The following PLD5 variants were observed in gnomAD, a reference collection of about 807,000 sequenced individuals.
The protein encoded by PLD5 is inactive phospholipase D5.
A neutral mutation model predicts 61.1 loss-of-function variants in PLD5; 36 were observed. That is an observed-to-expected ratio of 0.59 (90% CI 0.45 to 0.78). PLD5 has a LOEUF of 0.78. Among genes scored for constraint, PLD5 ranks in the 30% least tolerant of loss-of-function variants. The probability of loss-of-function intolerance (pLI) is 0.00; values close to 1 mark genes in which losing one functional copy is unlikely to be tolerated. For synonymous variants in PLD5, 243 were observed against 242.8 expected (o/e 1.00, Z -0.01); for missense variants, 515 against 644.4 (o/e 0.80, Z 2.17).
At chr1:242,163,155 TC>T (rs200552417) in intron 5 of PLD5, among the ~76,000 whole-genome samples, 15 of 150,482 alleles carry the variant, frequency 1.0e-4, no homozygotes, top group African/African-American at 2.2e-4. Flanking sequence ...TTCTTTCTTT[TC>T]TTGAGACGAC....
chr1:242,183,791 G>A (rs1161364904), intron 5 of PLD5, among the ~76,000 whole-genome samples: 1 of 118,318 alleles, frequency 8.5e-6, no homozygotes, highest in African/African-American at 4.2e-5. Flanking sequence ...CTACTGGGGA[G>A]GTCTGAGGCA....
intron 1 of PLD5, among the ~76,000 whole-genome samples, chr1:242,497,692 C>T (rs188496399): frequency 6.6e-6 from 1 of 152,234 alleles, no homozygotes; most frequent in Admixed American, 6.5e-5. Context: ...ATTTGAAGAA[C>T]CTAGTGTTAT....
chr1:242,437,065 C>T (rs6668435), intron 1 of PLD5, among the ~76,000 whole-genome samples: 25,422 of 151,950 alleles, frequency 0.17, 2,492 homozygotes, highest in African/African-American at 0.27. Context: ...TATGTGATCT[C>T]GATTAGTCAC....
At chr1:242,254,260 G>T (rs1238932446) in intron 4 of PLD5, among the ~76,000 whole-genome samples, 1 of 151,078 alleles carries the variant, frequency 6.6e-6, no homozygotes, top group Non-Finnish European at 1.5e-5. Context: ...TTCGTTATGA[G>T]GTAGGCACCT....
chr1:242,243,923 A>C (rs1164470092), intron 4 of PLD5, among the ~76,000 whole-genome samples: 1 of 152,168 alleles, frequency 6.6e-6, no homozygotes, highest in African/African-American at 2.4e-5. Flanking sequence ...TAAGTTCCTC[A>C]AAAACACGGT....
intron 5 of PLD5, among the ~76,000 whole-genome samples, chr1:242,131,354 C>T (rs538515906): frequency 6.6e-6 from 1 of 152,220 alleles, no homozygotes; most frequent in African/African-American, 2.4e-5. Context: ...GTTCCGTTCT[C>T]TCTCTTGCAC....
chr1:242,248,265 T>A (rs866582626), intron 4 of PLD5, among the ~76,000 whole-genome samples: 1 of 152,202 alleles, frequency 6.6e-6, no homozygotes, highest in East Asian at 1.9e-4. Context: ...CACTTTAAGC[T>A]ATGTATTCAT....
chr1:242,463,346 A>G (rs936935322), intron 1 of PLD5, among the ~76,000 whole-genome samples: 1 of 152,098 alleles, frequency 6.6e-6, no homozygotes, highest in Non-Finnish European at 1.5e-5. Context: ...AATGCCTCCA[A>G]CTCTGTACTC....
rs1029939641 is a variant in PLD5 at position 242,457,056 on chromosome 1, C to A, written c.189+67032G>T. 2.0e-5 allele frequency among the ~76,000 whole-genome samples: 3 copies of A among 152,168 alleles called. No homozygotes were observed. The South Asian group carries it at 6.2e-4, about 32-fold the overall frequency. On this transcript the variant is annotated intron_variant, in intron 1 of 9. Transcript: ENST00000536534. ...TCCATCATCCACTTATCCAGGGGGT[C>A]TCTGGGCTCCCTGTCAAACCGGAGA...
At chr1:242,344,128 G>A (rs4559486) in intron 2 of PLD5, among the ~76,000 whole-genome samples, 133,755 of 152,152 alleles carry the variant, frequency 0.88, 59,285 homozygotes, top group Non-Finnish European at 0.94. Context: ...CCAAATGGCC[G>A]GGACTTGATT....
At chr1:242,452,118 T>C (rs1353192226) in intron 1 of PLD5, among the ~76,000 whole-genome samples, 1 of 152,160 alleles carries the variant, frequency 6.6e-6, no homozygotes, top group Non-Finnish European at 1.5e-5. Flanking sequence ...ACCATCCTTA[T>C]GTCTGTGTCA....
At chr1:242,525,273 G>A (rs904764598), upstream of PLD5, among the ~76,000 whole-genome samples, 3 of 152,196 alleles carry the variant, frequency 2.0e-5, no homozygotes, top group Non-Finnish European at 4.4e-5. Context: ...CGCGGGACCG[G>A]TTGCTCCCCA....
At chr1:242,247,184 G>T (rs1345875957) in intron 4 of PLD5, among the ~76,000 whole-genome samples, 1 of 152,044 alleles carries the variant, frequency 6.6e-6, no homozygotes, top group African/African-American at 2.4e-5. Flanking sequence ...GGGTTTCACT[G>T]TGTTAGCCAG....
intron 1 of PLD5, among the ~76,000 whole-genome samples, chr1:242,461,465 C>CCA (rs1159562675): frequency 6.6e-6 from 1 of 152,132 alleles, no homozygotes; most frequent in Non-Finnish European, 1.5e-5. Flanking sequence ...ATTTCAAATA[C>CCA]CACATTGCCT....
At chr1:242,133,362 C>A (rs1663453465) in intron 5 of PLD5, among the ~76,000 whole-genome samples, 1 of 152,182 alleles carries the variant, frequency 6.6e-6, no homozygotes, top group South Asian at 2.1e-4. Flanking sequence ...GGTATTTACA[C>A]CCCAGAAAAT....
chr1:242,204,899 G>T (rs558153209), intron 5 of PLD5, among the ~76,000 whole-genome samples: 7 of 152,134 alleles, frequency 4.6e-5, no homozygotes, highest in African/African-American at 1.7e-4. Flanking sequence ...AAAGAATAAG[G>T]CTGGCAAAAC....
intron 1 of PLD5, among the ~76,000 whole-genome samples, chr1:242,392,490 T>C (rs1662991012): frequency 6.6e-6 from 1 of 152,204 alleles, no homozygotes; most frequent in African/African-American, 2.4e-5. Flanking sequence ...GACTGTGGCT[T>C]CTCCTGCTGA....
At chr1:242,124,434 A>C in intron 6 of PLD5, 34 bp downstream of exon 6, 2 of 1,584,680 alleles carry the variant, frequency 1.3e-6, no homozygotes, top group South Asian at 1.1e-5. Flanking sequence ...TGGAGGAAGA[A>C]GGAGAAGGGG....
intron 1 of PLD5, among the ~76,000 whole-genome samples, chr1:242,350,397 C>T (rs970567271): frequency 6.6e-6 from 1 of 151,572 alleles, no homozygotes; most frequent in African/African-American, 2.4e-5. Flanking sequence ...GCCAGGCATA[C>T]ATCACTCTGT....
Sources: allele counts gnomAD v4.1 joint callset (sites outside exome capture counted in the v4.1 genomes callset), GRCh38; gene constraint gnomAD v4.1.1; transcripts MANE v1.5; gene names NCBI Gene and HGNC (gene_info 2026-07-23, HGNC 2026-07-21).